Variants in EXTL1 observed in about 807,000 individuals in gnomAD.
The protein encoded by EXTL1 is exostosin-like 1.
A neutral mutation model predicts 64.6 loss-of-function variants in EXTL1; 43 were observed. That is an observed-to-expected ratio of 0.67 (90% CI 0.52 to 0.86). The LOEUF (loss-of-function observed/expected upper bound fraction) is 0.86. EXTL1 is among the 40% of genes least tolerant of loss of function. The pLI, the probability that EXTL1 is intolerant of heterozygous loss-of-function variation, is 0.00. For synonymous variants in EXTL1, 352 were observed against 360.5 expected (o/e 0.98, Z 0.27); for missense variants, 766 against 879.0 (o/e 0.87, Z 1.62).
At chr1:26,028,526 T>C (rs2050242588) in intron 1 of EXTL1, among the ~76,000 whole-genome samples, 1 of 152,150 alleles carries the variant, frequency 6.6e-6, no homozygotes, top group Admixed American at 6.5e-5. Context: ...GGGTGGACAA[T>C]TGCCAGGCTG....
chr1:26,033,994 T>C lies in EXTL1; in HGVS notation c.1679+138T>C. 1.3e-6 allele frequency: 1 copy of C among 749,968 alleles called. No individual in the cohort carries two copies. Among genetic ancestry groups the C allele is most frequent in the East Asian group, 3.0e-5 (1 of 33,086 alleles). The allele number at this position is 749,968 out of a possible 1,614,324, so 46.5% of individuals were successfully genotyped here. Reference sequence around the variant, plus strand: ...GATCTGCCACTTCCCAGCTGTGGGATCCTGGGCAAATCTCCTCACTTCTCT... The same window carrying C: ...GATCTGCCACTTCCCAGCTGTGGGACCCTGGGCAAATCTCCTCACTTCTCT... On this transcript the variant is annotated intron_variant, in intron 9 of 10. Transcript: ENST00000374280. The surrounding 1 kb of genome is among the most constrained non-coding windows in gnomAD (Gnocchi z 5.1).
intron 6 of EXTL1, 85 bp from the exon 7 acceptor site, chr1:26,032,311 C>A: frequency 1.2e-6 from 1 of 857,424 alleles, no homozygotes; most frequent in Non-Finnish European, 1.9e-6. Context: ...AAACTTCTTC[C>A]ACCTTGAGAA....
At position 26,033,058 on chromosome 1, in the gene EXTL1, C is replaced by A. The variant is rs373918002; in HGVS notation, c.1432-171C>A. On this transcript the variant is annotated intron_variant, in intron 7 of 10. Transcript: ENST00000374280. This position sits in a 1 kb window ranked among gnomAD's most constrained non-coding sequence, Gnocchi z 5.1. ...CAAATGAGTTGCCCAGGTCCCAAAA[C>A]GAGCTCTGCACAGGCTTGCCATATT... 1.3e-5 allele frequency among the ~76,000 whole-genome samples: 2 copies of A among 152,298 alleles called. No homozygotes were observed. The highest frequency in any genetic ancestry group is 1.9e-4 in the East Asian group (1 of 5,182).
chr1:26,029,452 A>G, intron 2 of EXTL1, 148 bp from the exon 3 acceptor site: 1 of 705,112 alleles, frequency 1.4e-6, no homozygotes, highest in South Asian at 1.7e-5. Flanking sequence ...CTGCAGAACA[A>G]CCATAACCTC....
rs2050252369 is a variant in EXTL1 at position 26,029,190 on chromosome 1, T to C, written c.780-3T>C. On this transcript the variant is annotated splice_region_variant and splice_polypyrimidine_tract_variant and intron_variant, in intron 1 of 10. Coordinates refer to ENST00000374280, the MANE Select transcript of EXTL1 (RefSeq NM_004455.3). ...GGTGGGACCTCCCCATGTGCCTCTT[T>C]AGGACCCAGCGCCAGGAGACGCTGC... 1 of 1,612,400 alleles carries C rather than the reference T, an allele frequency of 6.2e-7. No homozygotes were observed. Among genetic ancestry groups the C allele is most frequent in the African/African-American group, 1.3e-5 (1 of 74,966 alleles).
At chr1:26,026,904 C>T (rs1455791977) in intron 1 of EXTL1, among the ~76,000 whole-genome samples, 1 of 152,232 alleles carries the variant, frequency 6.6e-6, no homozygotes, top group African/African-American at 2.4e-5. Flanking sequence ...TCCCTGTTCC[C>T]CGCCAAAGGT....
rs1447300141 is a variant in EXTL1 at position 26,029,698 on chromosome 1, C to G, written c.972C>G (p.Leu324=). The change falls in exon 3 of 11, where the codon CTC becomes CTG. Residue 324 remains leucine, a synonymous_variant. Transcript: ENST00000374280. The stretch of plus-strand genomic sequence containing the variant: ...CAGCCATCGTAGCTGATGAGAGGCT[C>G]CCACTTCAGGTAGCTCAGAGCCCTG... The part of the protein sequence containing the change: ...TKAAIVADER[L]PLQVLAALQE... The G allele has an allele frequency of 6.2e-7, 1 of 1,608,306 alleles. No homozygotes were observed. Among genetic ancestry groups the G allele is most frequent in the Non-Finnish European group, 8.5e-7 (1 of 1,176,368 alleles).
chr1:26,033,343 G>C lies in EXTL1; in HGVS notation c.1518+28G>C. ...GAGGGCTGGGCCCAAGAGAAGCCCA[G>C]TGTGGGTAGACACAGAGCCAGAGGG... On this transcript the variant is annotated intron_variant, in intron 8 of 10. Coordinates refer to ENST00000374280, the MANE Select transcript of EXTL1 (RefSeq NM_004455.3). This position sits in a 1 kb window ranked among gnomAD's most constrained non-coding sequence, Gnocchi z 5.1. The C allele has an allele frequency of 3.1e-6, 5 of 1,593,162 alleles. No homozygotes were observed. Among genetic ancestry groups the C allele is most frequent in the Non-Finnish European group, 3.4e-6 (4 of 1,161,118 alleles).
In EXTL1 at chr1:26,023,086, G is replaced by A; in HGVS notation, c.440G>A (p.Ser147Asn). The change falls in exon 1 of 11, where the codon AGC (serine) becomes AAC (asparagine). Residue 147 changes from serine (S) to asparagine (N), a missense_variant. Ser to Asn is a conservative substitution (Grantham distance 46). This residue lies in a region of EXTL1 where 571 missense variants were observed against 647.6 expected (regional missense o/e 0.88). Transcript: ENST00000374280. Reference protein sequence around the residue: ...LSLDAQTGECSSMPLQWNRGR... With the variant: ...LSLDAQTGECNSMPLQWNRGR... ...CTGGACGCCCAGACTGGAGAGTGCA[G>A]CTCAATGCCTCTGCAATGGAACAGG... 6.2e-7 allele frequency: 1 copy of A among 1,613,790 alleles called. No homozygotes were observed. The highest frequency in any genetic ancestry group is 1.1e-5 in the South Asian group (1 of 90,982).
chr1:26,030,469 G>C lies in EXTL1; in HGVS notation c.982-7G>C. On this transcript the variant is annotated splice_region_variant and splice_polypyrimidine_tract_variant and intron_variant, in intron 3 of 10. Transcript: ENST00000374280. ...TTACCTGGCACTTTTCTCCCTCTCT[G>C]CTCCAGGTCCTGGCTGCCCTCCAGG... is the stretch of plus-strand genomic sequence containing the variant. The C allele has an allele frequency of 6.2e-7, 1 of 1,607,586 alleles. No homozygotes were observed. The highest frequency in any genetic ancestry group is 8.5e-7 in the Non-Finnish European group (1 of 1,176,622).
chr1:26,033,799 C>T lies in EXTL1; in HGVS notation c.1622C>T (p.Thr541Ile), dbSNP rs1169250431. The change falls in exon 9 of 11, where the codon ACT becomes ATT. Residue 541 changes from threonine to isoleucine, a missense_variant. Physicochemically the swap from Thr to Ile is moderately conservative, Grantham distance 89. Transcript: ENST00000374280. The surrounding 1 kb of genome is among the most constrained non-coding windows in gnomAD (Gnocchi z 5.1). ...GAGGCCCATGGTGGCTGGGGCTACA[C>T]TGCTGAGAGGACCAACGAATTCTCC... ...WDEAHGGWGY[T>I]AERTNEFSMV... 4 of 1,614,116 alleles carry T rather than the reference C, an allele frequency of 2.5e-6. No homozygotes were observed. The South Asian group carries it at 3.3e-5, about 13-fold the overall frequency.
At position 26,036,165 on chromosome 1, in the gene EXTL1, C is replaced by T. The variant is rs1043169488; in HGVS notation, c.*818C>T. 6.5e-6 allele frequency: 1 copy of T among 152,716 alleles called. No homozygotes were observed. The highest frequency in any genetic ancestry group is 1.5e-5 in the Non-Finnish European group (1 of 68,078). The allele number at this position is 152,716 out of a possible 1,614,324, so 9.5% of individuals were successfully genotyped here. The stretch of plus-strand genomic sequence containing the variant: ...TCAGCGTCGCGCCGCACTCTTCACC[C>T]GCATGTCCAGAGGGCGGCCGGGATG... On this transcript the variant is annotated 3_prime_UTR_variant, in exon 11 of 11. Coordinates refer to ENST00000374280, the MANE Select transcript of EXTL1 (RefSeq NM_004455.3). The surrounding 1 kb of genome is among the most constrained non-coding windows in gnomAD (Gnocchi z 5.2).
chr1:26,034,739 A>G lies in EXTL1; in HGVS notation c.1680-97A>G, dbSNP rs1569678346. The G allele has an allele frequency of 4.0e-6, 5 of 1,251,754 alleles. No individual in the cohort carries two copies. Among genetic ancestry groups the G allele is most frequent in the Non-Finnish European group, 1.1e-6 (1 of 883,244 alleles). The allele number at this position is 1,251,754 out of a possible 1,614,324, so 77.5% of individuals were successfully genotyped here. A position where few individuals can be genotyped will look rare whatever the true frequency, so the allele number is the denominator to read the frequency against. On this transcript the variant is annotated intron_variant, in intron 9 of 10. Coordinates refer to ENST00000374280, the MANE Select transcript of EXTL1 (RefSeq NM_004455.3). The surrounding 1 kb of genome is among the most constrained non-coding windows in gnomAD (Gnocchi z 4.6). ...GCAGCCAGGGCTCAGAGGCTTGGGG[A>G]TGGGGGTCAAAGGGAGAGGTGAGGT...
At chr1:26,026,814 A>C (rs1322966091) in intron 1 of EXTL1, among the ~76,000 whole-genome samples, 4 of 152,178 alleles carry the variant, frequency 2.6e-5, no homozygotes, top group Non-Finnish European at 5.9e-5. Flanking sequence ...AGTCTATGGC[A>C]GGTACCTTAC....
In EXTL1 at chr1:26,025,148, G is replaced by C. The variant is rs960356674; in HGVS notation, c.779+1723G>C. Among the ~76,000 whole-genome samples the C allele has an allele frequency of 1.1e-4, 16 of 152,312 alleles. No homozygotes were observed. Among genetic ancestry groups the C allele is most frequent in the East Asian group, 1.9e-4 (1 of 5,180 alleles). ...CATCTCTGGAGTGGTTTGAGCCTCA[G>C]TTTCTCCGAAGTGCCGGGCAGCTGC... On this transcript the variant is annotated intron_variant, in intron 1 of 10. Coordinates refer to ENST00000374280, the MANE Select transcript of EXTL1 (RefSeq NM_004455.3). The surrounding 1 kb of genome is among the most constrained non-coding windows in gnomAD (Gnocchi z 5.3).
chr1:26,032,473 T>C lies in EXTL1; in HGVS notation c.1419T>C (p.Asp473=), dbSNP rs913773140. ...CAGCTGTGCCCTTGACAGTCATTGA[T>C]GGGCACAGGAAGGTAAGGGATGAGG... The part of the protein sequence containing the change: ...PETAVPLTVI[D]GHRKVSDRFY... The change falls in exon 7 of 11, where the codon GAT becomes GAC. Residue 473 remains aspartate (D), a synonymous_variant. Coordinates refer to ENST00000374280, the MANE Select transcript of EXTL1 (RefSeq NM_004455.3). 2 of 1,551,684 alleles carry C rather than the reference T, an allele frequency of 1.3e-6. No individual in the cohort carries two copies. Among genetic ancestry groups the C allele is most frequent in the Admixed American group, 3.9e-5 (2 of 51,024 alleles).
rs376788705 is a variant in EXTL1 at position 26,029,630 on chromosome 1, C to G, written c.904C>G (p.Arg302Gly). 2.8e-5 allele frequency: 45 copies of G among 1,610,852 alleles called. 2 individuals are homozygous for G. The highest frequency in any genetic ancestry group is 3.8e-4 in the Middle Eastern group (2 of 5,320). ...CTGCATCCCAGTGCTTCTCAGCCCC[C>G]GCTGGGAGCTGCCCTTCTCCGAGGT... is the stretch of plus-strand genomic sequence containing the variant. ...AGCIPVLLSPRWELPFSEVID... is the reference protein window; with the variant it reads ...AGCIPVLLSPGWELPFSEVID... The change falls in exon 3 of 11, where the codon CGC (arginine) becomes GGC (glycine). Residue 302 changes from arginine to glycine, a missense_variant. By Grantham distance (125) the Arg-to-Gly change is moderately radical. Coordinates refer to ENST00000374280, the MANE Select transcript of EXTL1 (RefSeq NM_004455.3).
At chr1:26,032,334 C>A in intron 6 of EXTL1, 62 bp from the exon 7 acceptor site, 2 of 1,105,198 alleles carry the variant, frequency 1.8e-6, no homozygotes, top group African/African-American at 1.6e-5. Flanking sequence ...ATCACTCCTG[C>A]CCCTCGCAAC....
chr1:26,034,282 A>C lies in EXTL1; in HGVS notation c.1679+426A>C, dbSNP rs2050316245. 6.6e-6 allele frequency among the ~76,000 whole-genome samples: 1 copy of C among 152,256 alleles called. No individual in the cohort carries two copies. The highest frequency in any genetic ancestry group is 2.4e-5 in the African/African-American group (1 of 41,468). ...AAGCTGCCTGAAGTGCTCCGGTCTT[A>C]GGGCAGAGACTGAATTCTGTAAGAC... is the stretch of plus-strand genomic sequence containing the variant. On this transcript the variant is annotated intron_variant, in intron 9 of 10. Coordinates refer to ENST00000374280, the MANE Select transcript of EXTL1 (RefSeq NM_004455.3). This position sits in a 1 kb window ranked among gnomAD's most constrained non-coding sequence, Gnocchi z 4.6.
Sources: gnomAD v4.1 joint callset for allele counts (sites outside exome capture counted in the v4.1 genomes callset) on GRCh38, gnomAD v4.1.1 for gene constraint, gnomAD v4.1.1 regional missense constraint, Gnocchi (gnomAD v3.1) non-coding constraint, MANE v1.5 for transcripts, NCBI Gene and HGNC (gene_info 2026-07-23, HGNC 2026-07-21) for gene names.